Variants in BPIFB6 observed in about 807,000 individuals in gnomAD.
The protein encoded by BPIFB6 is BPI fold-containing family B member 6.
A neutral mutation model predicts 54.7 loss-of-function variants in BPIFB6; 47 were observed. The observed-to-expected ratio is 0.86, with a 90% CI of 0.68 to 1.10. The LOEUF (loss-of-function observed/expected upper bound fraction) is 1.10, where lower values mean the gene tolerates loss of function less well. BPIFB6 is among the 50% of genes least tolerant of loss of function. The pLI, the probability that BPIFB6 is intolerant of heterozygous loss-of-function variation, is 0.00. For missense variants in BPIFB6, 603 were observed against 564.1 expected, an observed-to-expected ratio of 1.07 and a Z score of -0.70; for synonymous variants, 255 against 225.9, an observed-to-expected ratio of 1.13 and a Z score of -1.16.
At chr20:33,035,488 C>G in intron 5 of BPIFB6, 124 bp from the exon 6 acceptor site, 1 of 967,996 alleles carries the variant, frequency 1.0e-6, no homozygotes, top group South Asian at 1.4e-5. Context: ...GGACTTGGGA[C>G]CTCAGTTTTC....
At chr20:33,039,223 G>T in intron 9 of BPIFB6, 124 bp from the exon 10 acceptor site, 1 of 1,038,622 alleles carries the variant, frequency 9.6e-7, no homozygotes, top group Non-Finnish European at 1.4e-6. Flanking sequence ...ACACATCCTG[G>T]CCTTTGCATG....
chr20:33,037,585 C>A lies in BPIFB6; in HGVS notation c.693C>A (p.Gly231=). ...DFSPVVQQQK[G]KTIKLADAGE... Reference sequence around the variant, plus strand: ...AGCCTGTGGTGCAGCAGCAAAAGGGCAAAACCATCAAGCTTGCTGATGCCG... The same window carrying A: ...AGCCTGTGGTGCAGCAGCAAAAGGGAAAAACCATCAAGCTTGCTGATGCCG... Residue 231 remains glycine (G), a synonymous_variant, in exon 8 of 15, where the codon GGC becomes GGA. Coordinates refer to ENST00000349552, the MANE Select transcript of BPIFB6 (RefSeq NM_174897.2). The A allele has an allele frequency of 1.2e-6, 2 of 1,612,976 alleles. No individual in the cohort carries two copies. Among genetic ancestry groups the A allele is most frequent in the African/African-American group, 1.3e-5 (1 of 75,018 alleles).
chr20:33,042,896 CTTTGG>C lies in BPIFB6; in HGVS notation c.1252+19_1252+23del. On this transcript the variant is annotated intron_variant, in intron 13 of 14. Transcript: ENST00000349552. Reference sequence around the variant, plus strand: ...TGTCAATGGTGAGGGTTCCAAAAGGCTTTGGACCATGGTGCCAAGAAGCACTTTAA... The same window carrying C: ...TGTCAATGGTGAGGGTTCCAAAAGGCACCATGGTGCCAAGAAGCACTTTAA... 1.2e-6 allele frequency: 2 copies of C among 1,611,850 alleles called. No individual in the cohort carries two copies. Among genetic ancestry groups the C allele is most frequent in the African/African-American group, 2.7e-5 (2 of 74,960 alleles).
chr20:33,039,081 GA>G, intron 9 of BPIFB6, 119 bp downstream of exon 9: 2 of 1,221,002 alleles, frequency 1.6e-6, no homozygotes. Flanking sequence ...GTCCAATGCT[GA>G]AACATCTTTT....
At chr20:33,036,559 G>A in intron 7 of BPIFB6, 23 bp downstream of exon 7, 1 of 1,600,478 alleles carries the variant, frequency 6.2e-7, no homozygotes, top group South Asian at 1.1e-5. Flanking sequence ...GGCCACCTGG[G>A]AGCTGGGGTC....
chr20:33,031,810 A>G, intron 1 of BPIFB6, 66 bp downstream of exon 1: 1 of 1,366,538 alleles, frequency 7.3e-7, no homozygotes, highest in South Asian at 1.2e-5. Context: ...GTAGGTAGTC[A>G]CTGCTCTTGG....
At chr20:33,034,416 G>C in intron 3 of BPIFB6, 126 bp downstream of exon 3, 1 of 741,488 alleles carries the variant, frequency 1.3e-6, no homozygotes, top group Non-Finnish European at 2.3e-6. Flanking sequence ...TGTAGACTTG[G>C]TCCCTACCTT....
rs139195412 is a variant in BPIFB6 at position 33,034,827 on chromosome 20, C to T, written c.367C>T (p.Arg123Trp). The T allele has an allele frequency of 2.8e-4, 446 of 1,613,822 alleles. 1 individual carries two copies. Among genetic ancestry groups the T allele is most frequent in the South Asian group, 2.3e-3 (211 of 91,054 alleles). Residue 123 changes from arginine (R) to tryptophan (W), a missense_variant, in exon 4 of 15, where the codon CGG becomes TGG. Transcript: ENST00000349552. ...LNITATNRLL[R>W]DEETGLPVFK... ...CATCACAGCCACCAACCGGCTTCTG[C>T]GGGATGAGGAGACAGGCCTCCCCGT...
intron 6 of BPIFB6, among the ~76,000 whole-genome samples, chr20:33,035,987 A>G (rs990091811): frequency 2.6e-5 from 4 of 152,098 alleles, no homozygotes; most frequent in African/African-American, 9.7e-5. Context: ...TAATGCCTGA[A>G]TCGCCTTTGC....
intron 5 of BPIFB6, 95 bp from the exon 6 acceptor site, chr20:33,035,517 C>T: frequency 1.5e-6 from 2 of 1,325,550 alleles, no homozygotes; most frequent in Non-Finnish European, 2.2e-6. Context: ...CCCTGTCCCA[C>T]CAGGGCTCTT....
Position 33,035,616 on chromosome 20 carries a change from G to T in BPIFB6, c.521G>T (p.Cys174Phe). ...CAGTGCCTTCTCTGCTTCCAGATGTGTCCCGCCATCGATGCAGTCCTGGTG... is the reference window on the plus strand; with the variant it reads ...CAGTGCCTTCTCTGCTTCCAGATGTTTCCCGCCATCGATGCAGTCCTGGTG... ...TLHKVLPGLM[C>F]PAIDAVLVYV... is the part of the protein sequence containing the mutation. Residue 174 changes from cysteine to phenylalanine, a missense_variant, in exon 6 of 15, where the codon TGT (cysteine) becomes TTT (phenylalanine). By Grantham distance (205) the Cys-to-Phe change is radical (BLOSUM62 -2). Transcript: ENST00000349552. 1 of 1,614,146 alleles carries T rather than the reference G, an allele frequency of 6.2e-7. No homozygotes were observed. The highest frequency in any genetic ancestry group is 8.5e-7 in the Non-Finnish European group (1 of 1,179,998).
chr20:33,040,243 C>G lies in BPIFB6; in HGVS notation c.1075-8C>G. 6.2e-7 allele frequency: 1 copy of G among 1,613,948 alleles called. No homozygotes were observed. The highest frequency in any genetic ancestry group is 1.1e-5 in the South Asian group (1 of 91,078). ...TGCCTTCTCCCTGCTTCCTCCCCACCATGCCAGCACTTCAATCTGAAGGTC... is the reference window on the plus strand; with the variant it reads ...TGCCTTCTCCCTGCTTCCTCCCCACGATGCCAGCACTTCAATCTGAAGGTC... On this transcript the variant is annotated splice_polypyrimidine_tract_variant and splice_region_variant and intron_variant, in intron 10 of 14. Coordinates refer to ENST00000349552, the MANE Select transcript of BPIFB6 (RefSeq NM_174897.2).
Position 33,039,381 on chromosome 20 carries a change from C to T in BPIFB6, c.935C>T (p.Thr312Met), listed in dbSNP as rs139462993. 3.3e-5 allele frequency: 53 copies of T among 1,613,536 alleles called. No homozygotes were observed. The highest frequency in any genetic ancestry group is 2.3e-4 in the Admixed American group (14 of 59,896). ...AVAYPKSKPL[T>M]TQIKIKKPPK... is the part of the protein sequence containing the mutation. ...GCTTATCCCAAGTCAAAGCCCTTGACGACCCAGATCAAGATAAAGAAGCCT... is the reference window on the plus strand; with the variant it reads ...GCTTATCCCAAGTCAAAGCCCTTGATGACCCAGATCAAGATAAAGAAGCCT... The change falls in exon 10 of 15, where the codon ACG becomes ATG. Residue 312 changes from threonine to methionine, a missense_variant. Physicochemically the swap from Thr to Met is moderately conservative, Grantham distance 81 (BLOSUM62 -1). Coordinates refer to ENST00000349552, the MANE Select transcript of BPIFB6 (RefSeq NM_174897.2).
At chr20:33,043,927 A>G (rs571088551) in intron 14 of BPIFB6, 88 bp from the exon 15 acceptor site, 29 of 1,529,578 alleles carry the variant, frequency 1.9e-5, no homozygotes, top group Middle Eastern at 3.4e-4. Flanking sequence ...ACTGGTTTCC[A>G]TTTCCTGACA....
chr20:33,034,323 A>G (rs376255235), intron 3 of BPIFB6, 33 bp downstream of exon 3: 117 of 1,440,778 alleles, frequency 8.1e-5, no homozygotes, highest in Non-Finnish European at 9.9e-5. Context: ...AGCGGGGAGG[A>G]GAACGGCCTT....
At chr20:33,038,988 A>G in intron 9 of BPIFB6, 26 bp downstream of exon 9, 2 of 1,612,436 alleles carry the variant, frequency 1.2e-6, no homozygotes, top group Non-Finnish European at 1.7e-6. Flanking sequence ...CCCCATCACC[A>G]CTGCACCCTG....
chr20:33,036,543 G>C lies in BPIFB6; in HGVS notation c.669+7G>C. ...CATCCAACTGGACTTCAGTGTAAGC[G>C]CCTAGGGCCACCTGGGAGCTGGGGT... On this transcript the variant is annotated splice_region_variant and intron_variant, in intron 7 of 14. Coordinates refer to ENST00000349552, the MANE Select transcript of BPIFB6 (RefSeq NM_174897.2). The C allele has an allele frequency of 6.2e-7, 1 of 1,612,532 alleles. No homozygotes were observed. Among genetic ancestry groups the C allele is most frequent in the South Asian group, 1.1e-5 (1 of 91,068 alleles).
intron 2 of BPIFB6, chr20:33,033,668 G>T (rs985468035): frequency 6.6e-6 from 3 of 455,882 alleles, no homozygotes; most frequent in African/African-American, 6.0e-5. Context: ...TTCTCAAACA[G>T]GGGTGATTTT....
chr20:33,035,239 G>T, intron 5 of BPIFB6, 95 bp downstream of exon 5: 1 of 1,283,318 alleles, frequency 7.8e-7, no homozygotes, highest in Non-Finnish European at 1.1e-6. Flanking sequence ...GACCCTGATT[G>T]ACTGATAGTG....
Sources: allele counts gnomAD v4.1 joint callset (sites outside exome capture counted in the v4.1 genomes callset), GRCh38; gene constraint gnomAD v4.1.1; transcripts MANE v1.5; gene names NCBI Gene and HGNC (gene_info 2026-07-23, HGNC 2026-07-21).